The following PPARGC1A variants were observed in gnomAD, a reference collection of about 807,000 sequenced individuals.
The protein encoded by PPARGC1A is PPARG coactivator 1 alpha, also known as peroxisome proliferator-activated receptor gamma coactivator 1-alpha.
Under a neutral mutation model 88.7 loss-of-function variants are expected in PPARGC1A, and 25 were observed. The ratio of observed to expected loss-of-function variants is 0.28; its 90% CI spans 0.21 to 0.39. The LOEUF (loss-of-function observed/expected upper bound fraction) is 0.39, where lower values mean the gene tolerates loss of function less well. Among genes scored for constraint, PPARGC1A ranks in the 10% least tolerant of loss-of-function variants. The pLI is 1.00. For synonymous variants in PPARGC1A, 363 were observed against 355.6 expected (o/e 1.02, Z -0.24); for missense variants, 880 against 968.7 (o/e 0.91, Z 1.22).
At chr4:24,190,729 G>A in the PPARGC1A span, among the ~76,000 whole-genome samples, 1 of 152,046 alleles carries the variant, frequency 6.6e-6, no homozygotes, top group African/African-American at 2.4e-5. Context: ...TCAGCTGCAG[G>A]TCTTCACAGC....
chr4:24,010,932 T>C, the PPARGC1A span, among the ~76,000 whole-genome samples: 2 of 152,112 alleles, frequency 1.3e-5, no homozygotes, highest in Non-Finnish European at 2.9e-5. Context: ...GTGATAATTT[T>C]CACTTGGCAT....
At chr4:23,963,276 AT>A in the PPARGC1A span, among the ~76,000 whole-genome samples, 8 of 152,158 alleles carry the variant, frequency 5.3e-5, no homozygotes, top group Non-Finnish European at 7.4e-5. Context: ...GGCCTCTCTT[AT>A]TGCTATTACC....
the PPARGC1A span, among the ~76,000 whole-genome samples, chr4:24,243,479 G>A: frequency 3.9e-5 from 6 of 152,110 alleles, no homozygotes; most frequent in Non-Finnish European, 5.9e-5. Context: ...TCCTACCCTC[G>A]CGTGCTGTGG....
At chr4:24,426,549 A>T in the PPARGC1A span, among the ~76,000 whole-genome samples, 1 of 152,334 alleles carries the variant, frequency 6.6e-6, no homozygotes, top group Admixed American at 6.5e-5. Flanking sequence ...AAGTGAAAAT[A>T]GTACAAAAAT....
the PPARGC1A span, among the ~76,000 whole-genome samples, chr4:23,960,466 T>A: frequency 1.3e-5 from 2 of 152,144 alleles, no homozygotes; most frequent in East Asian, 3.9e-4. Context: ...GACAACTAGT[T>A]TGGCCAAAAC....
At chr4:24,274,393 T>C in the PPARGC1A span, among the ~76,000 whole-genome samples, 440 of 152,188 alleles carry the variant, frequency 2.9e-3, 3 homozygotes, top group Middle Eastern at 6.8e-3. Context: ...ACATTTTCTG[T>C]AAAGGGCCAG....
At chr4:24,062,586 A>G in the PPARGC1A span, among the ~76,000 whole-genome samples, 5 of 152,166 alleles carry the variant, frequency 3.3e-5, no homozygotes, top group Non-Finnish European at 5.9e-5. Flanking sequence ...GGGGGCCCCC[A>G]GTGGTAGGGC....
At chr4:24,398,131 C>T in the PPARGC1A span, among the ~76,000 whole-genome samples, 1 of 152,280 alleles carries the variant, frequency 6.6e-6, no homozygotes, top group East Asian at 1.9e-4. Flanking sequence ...AACATTTACA[C>T]TGTGGAATTT....
the PPARGC1A span, among the ~76,000 whole-genome samples, chr4:24,293,262 G>A: frequency 3.8e-3 from 10 of 2,606 alleles, 1 homozygote; most frequent in Admixed American, 9.7e-3. Flanking sequence ...CCCTTCCTGC[G>A]CTCCTCCCTA....
At chr4:23,848,397 C>G (rs1000588203) in intron 2 of PPARGC1A, among the ~76,000 whole-genome samples, 1 of 152,130 alleles carries the variant, frequency 6.6e-6, no homozygotes, top group African/African-American at 2.4e-5. Context: ...ATGATGCCCT[C>G]GAGCTAACCC....
intron 2 of PPARGC1A, among the ~76,000 whole-genome samples, chr4:23,844,592 T>A (rs1256715512): frequency 9.0e-6 from 1 of 110,514 alleles, no homozygotes; most frequent in Admixed American, 1.3e-4. Context: ...ATATAATAAT[T>A]ATAATTATAT....
upstream of PPARGC1A, among the ~76,000 whole-genome samples, chr4:23,903,305 C>T (rs1405823888): frequency 6.6e-6 from 1 of 151,942 alleles, no homozygotes; most frequent in Non-Finnish European, 1.5e-5. Flanking sequence ...TTGATGTGGC[C>T]CAAGAATGTA....
chr4:24,402,961 T>C, the PPARGC1A span, among the ~76,000 whole-genome samples: 1 of 152,234 alleles, frequency 6.6e-6, no homozygotes. Context: ...GAATGAATAC[T>C]TGGAGAATTA....
the PPARGC1A span, among the ~76,000 whole-genome samples, chr4:24,018,826 C>T: frequency 6.6e-6 from 1 of 152,012 alleles, no homozygotes; most frequent in East Asian, 1.9e-4. Flanking sequence ...GACCTCACCT[C>T]ATTTTAAAGT....
chr4:24,064,177 A>AT, the PPARGC1A span, among the ~76,000 whole-genome samples: 1 of 152,310 alleles, frequency 6.6e-6, no homozygotes, highest in African/African-American at 2.4e-5. Context: ...TTGTTTTAGG[A>AT]TAAAAACTTA....
chr4:23,846,509 G>A (rs1728348862), intron 2 of PPARGC1A, among the ~76,000 whole-genome samples: 1 of 152,130 alleles, frequency 6.6e-6, no homozygotes, highest in African/African-American at 2.4e-5. Flanking sequence ...TTAACCTACT[G>A]TAAATATATT....
At chr4:23,905,892 A>G (rs1461878302), upstream of PPARGC1A, among the ~76,000 whole-genome samples, 1 of 152,240 alleles carries the variant, frequency 6.6e-6, no homozygotes, top group Non-Finnish European at 1.5e-5. Flanking sequence ...ACAGTCGCAT[A>G]ACTTAGACAT....
the PPARGC1A span, among the ~76,000 whole-genome samples, chr4:24,230,565 C>T: frequency 3.3e-5 from 5 of 152,306 alleles, no homozygotes; most frequent in Admixed American, 1.3e-4. Context: ...CCCCATATAG[C>T]ACCTTCATTT....
the PPARGC1A span, among the ~76,000 whole-genome samples, chr4:24,289,576 C>G: frequency 6.6e-6 from 1 of 152,220 alleles, no homozygotes; most frequent in African/African-American, 2.4e-5. Context: ...ACTTCTTTCT[C>G]TAACTCCTGG....
Sources: allele counts gnomAD v4.1 joint callset (sites outside exome capture counted in the v4.1 genomes callset), GRCh38; gene constraint gnomAD v4.1.1; transcripts MANE v1.5; gene names NCBI Gene and HGNC (gene_info 2026-07-23, HGNC 2026-07-21).